The following SPOCK2 variants were observed in gnomAD, a reference collection of about 807,000 sequenced individuals.
SPOCK2 encodes SPARC (osteonectin), cwcv and kazal like domains proteoglycan 2.
Under a neutral mutation model 60.1 loss-of-function variants are expected in SPOCK2, and 39 were observed. The observed-to-expected ratio is 0.65, with a 90% confidence interval of 0.50 to 0.85. SPOCK2 has a LOEUF of 0.85. Among genes scored for constraint, SPOCK2 ranks in the 40% least tolerant of loss-of-function variants. SPOCK2 has a pLI of 0.00. For missense variants in SPOCK2, 523 were observed against 567.4 expected (o/e 0.92, Z 0.80); for synonymous variants, 217 against 231.5 (o/e 0.94, Z 0.57).
At position 72,060,282 on chromosome 10, in the gene SPOCK2, G is replaced by C. The variant is rs980233772; in HGVS notation, c.*2478C>G. The C allele has an allele frequency of 3.9e-5, 6 of 152,510 alleles. No individual in the cohort carries two copies. Among genetic ancestry groups the C allele is most frequent in the Non-Finnish European group, 7.3e-5 (5 of 68,272 alleles). The allele number at this position is 152,510 out of a possible 1,614,324, so 9.4% of individuals were successfully genotyped here. A position where few individuals can be genotyped will look rare whatever the true frequency, so the allele number is the denominator to read the frequency against. The stretch of plus-strand genomic sequence containing the variant: ...TGTGGGGGCTTCGGAAACAGGCAAG[G>C]CTGGACCCCTGCAATCCTACCAGAG... On this transcript the variant is annotated 3_prime_UTR_variant, in exon 11 of 11. Transcript: ENST00000373109.
chr10:72,072,555 G>A lies in SPOCK2; in HGVS notation c.199-7C>T. ...AGCTCTTGATATAGTCATCCTAGAGGACAGAGAGGGACAAGGGAGAAGGGA... is the reference window on the plus strand; with the variant it reads ...AGCTCTTGATATAGTCATCCTAGAGAACAGAGAGGGACAAGGGAGAAGGGA... On this transcript the variant is annotated splice_polypyrimidine_tract_variant and splice_region_variant and intron_variant, in intron 2 of 10. Transcript: ENST00000373109. 1 of 1,613,924 alleles carries A rather than the reference G, an allele frequency of 6.2e-7. No homozygotes were observed. The highest frequency in any genetic ancestry group is 8.5e-7 in the Non-Finnish European group (1 of 1,180,000).
chr10:72,067,108 C>A lies in SPOCK2; in HGVS notation c.722G>T (p.Ser241Ile). 6.2e-7 allele frequency: 1 copy of A among 1,613,764 alleles called. No homozygotes were observed. Among genetic ancestry groups the A allele is most frequent in the East Asian group, 2.2e-5 (1 of 44,874 alleles). Residue 241 changes from serine to isoleucine, a missense_variant, in exon 8 of 11, where the codon AGC becomes ATC. Transcript: ENST00000373109. ...GGAGTCCTTGCAGCTGGCCCCCAGG[C>A]TCTTGTCCAGCCCTGGGAAAAGATC... ...VAGPASGLDK[S>I]LGASCKDSIG...
At chr10:72,064,328 G>GCCCTTCAA in intron 8 of SPOCK2, 88 bp from the exon 9 acceptor site, 1 of 1,387,230 alleles carries the variant, frequency 7.2e-7, no homozygotes, top group Non-Finnish European at 9.5e-7. Context: ...GACCCAGGCA[G>GCCCTTCAA]GGGCTCTGCA....
intron 1 of SPOCK2, chr10:72,086,836 AATC>A (rs1219541201): frequency 3.2e-6 from 5 of 1,543,566 alleles, no homozygotes; most frequent in Non-Finnish European, 4.4e-6. Context: ...AAAAGATCCA[AATC>A]TCTGCCTCTT....
intron 1 of SPOCK2, among the ~76,000 whole-genome samples, chr10:72,082,354 A>G (rs1161338682): frequency 6.6e-6 from 1 of 152,118 alleles, no homozygotes; most frequent in Admixed American, 6.6e-5. Flanking sequence ...CATTTTTCCC[A>G]TCCACGGCTC....
At chr10:72,075,056 G>T (rs1231053340) in intron 1 of SPOCK2, among the ~76,000 whole-genome samples, 1 of 152,064 alleles carries the variant, frequency 6.6e-6, no homozygotes, top group African/African-American at 2.4e-5. Context: ...GCAAGCCTCT[G>T]GGGAGGCTGC....
chr10:72,070,191 G>T, intron 5 of SPOCK2, 121 bp downstream of exon 5: 1 of 875,114 alleles, frequency 1.1e-6, no homozygotes, highest in Non-Finnish European at 1.7e-6. Context: ...CACTGACCTT[G>T]CCATCTGGCC....
intron 1 of SPOCK2, among the ~76,000 whole-genome samples, chr10:72,076,515 G>A (rs764741823): frequency 3.3e-5 from 5 of 152,196 alleles, no homozygotes; most frequent in Non-Finnish European, 5.9e-5. Flanking sequence ...GGAAGAGCTC[G>A]TGGCTTGTAT....
chr10:72,064,372 C>T, intron 8 of SPOCK2, 132 bp from the exon 9 acceptor site: 1 of 996,282 alleles, frequency 1.0e-6, no homozygotes, highest in Non-Finnish European at 1.4e-6. Flanking sequence ...CACGGGGTCA[C>T]CCCACAGCAG....
At chr10:72,081,676 G>A (rs1182898597) in intron 1 of SPOCK2, among the ~76,000 whole-genome samples, 2 of 152,250 alleles carry the variant, frequency 1.3e-5, no homozygotes, top group Non-Finnish European at 2.9e-5. Flanking sequence ...CGCGGGGACA[G>A]TCGTCCTTCA....
At chr10:72,072,579 G>C (rs775532213) in intron 2 of SPOCK2, 31 bp from the exon 3 acceptor site, 2 of 1,613,634 alleles carry the variant, frequency 1.2e-6, no homozygotes, top group Admixed American at 1.7e-5. Flanking sequence ...AGGGAGAAGG[G>C]AAAGGCTAAG....
rs117753694 is a variant in SPOCK2 at position 72,064,520 on chromosome 10, G to A, written c.929-280C>T. On this transcript the variant is annotated intron_variant, in intron 8 of 10. Transcript: ENST00000373109. ...AGAGGAGTAACAGGATTCAGAAGAG[G>A]AGGTGGGGTGAACACACAGACACCC... Among the ~76,000 whole-genome samples the A allele has an allele frequency of 4.2e-4, 64 of 152,210 alleles. No individual in the cohort carries two copies. The East Asian group carries it at 0.012, about 28-fold the overall frequency.
Position 72,072,986 on chromosome 10 carries a change from G to A in SPOCK2, c.190-76C>T, listed in dbSNP as rs1029783077. The stretch of plus-strand genomic sequence containing the variant: ...AAGGGAGAAAGATGGGGATATCAGT[G>A]TGAGGCCCTCTGGTGTTCCTGGGGT... On this transcript the variant is annotated intron_variant, in intron 1 of 10. Coordinates refer to ENST00000373109, the MANE Select transcript of SPOCK2 (RefSeq NM_001244950.2). The A allele has an allele frequency of 5.8e-6, 9 of 1,548,052 alleles. No homozygotes were observed. The African/African-American group carries it at 1.1e-4, about 19-fold the overall frequency.
In SPOCK2 at chr10:72,072,196, C is replaced by A. The variant is rs375721745; in HGVS notation, c.307G>T (p.Ala103Ser). The A allele has an allele frequency of 6.4e-7, 1 of 1,560,684 alleles. No homozygotes were observed. Among genetic ancestry groups the A allele is most frequent in the Admixed American group, 1.9e-5 (1 of 51,808 alleles). Residue 103 changes from alanine (A) to serine (S), a missense_variant, in exon 4 of 11, where the codon GCC becomes TCC. By Grantham distance (99) the Ala-to-Ser change is moderately conservative. Coordinates refer to ENST00000373109, the MANE Select transcript of SPOCK2 (RefSeq NM_001244950.2). ...VKCSRHKVCIAQGYQRAMCIS... is the reference protein window; with the variant it reads ...VKCSRHKVCISQGYQRAMCIS... ...CACATGGCCCGCTGGTAGCCCTGGGCAATGCACACCTTGTGGCGGCTGCAC... is the reference window on the plus strand; with the variant it reads ...CACATGGCCCGCTGGTAGCCCTGGGAAATGCACACCTTGTGGCGGCTGCAC...
chr10:72,074,051 C>T (rs757072467), intron 1 of SPOCK2, among the ~76,000 whole-genome samples: 24 of 152,164 alleles, frequency 1.6e-4, no homozygotes, highest in Non-Finnish European at 2.8e-4. Context: ...CGCGCAGCTG[C>T]CCCCTTCATC....
rs549710890 is a variant in SPOCK2, at chr10:72,069,617, C to T, written c.474+695G>A. Among the ~76,000 whole-genome samples the T allele has an allele frequency of 3.9e-5, 6 of 152,060 alleles. No individual in the cohort carries two copies. The South Asian group carries it at 1.2e-3, about 32-fold the overall frequency. On this transcript the variant is annotated intron_variant, in intron 5 of 10. Coordinates refer to ENST00000373109, the MANE Select transcript of SPOCK2 (RefSeq NM_001244950.2). ...GAATCACAGGCACACGCCACTGCAC[C>T]CAGCTAATTTTTGTATTTTTTGTAG...
At chr10:72,086,853 A>C in intron 1 of SPOCK2, 1 of 1,548,338 alleles carries the variant, frequency 6.5e-7, no homozygotes. Flanking sequence ...GCCTCTTCCC[A>C]TCACTTGGCT....
chr10:72,080,782 T>C (rs1840772992), intron 1 of SPOCK2, among the ~76,000 whole-genome samples: 1 of 152,040 alleles, frequency 6.6e-6, no homozygotes, highest in Admixed American at 6.5e-5. Flanking sequence ...AGGACAAAAA[T>C]GTGCATATCA....
intron 8 of SPOCK2, 90 bp downstream of exon 8, chr10:72,066,812 A>G: frequency 1.4e-6 from 2 of 1,477,642 alleles, no homozygotes; most frequent in Non-Finnish European, 1.9e-6. Flanking sequence ...GTAGCCAAGA[A>G]AGAGCCACTC....
Sources: gnomAD v4.1 joint callset for allele counts (sites outside exome capture counted in the v4.1 genomes callset) on GRCh38, gnomAD v4.1.1 for gene constraint, MANE v1.5 for transcripts, NCBI Gene and HGNC (gene_info 2026-07-23, HGNC 2026-07-21) for gene names.